Variants in USP28 observed in about 807,000 individuals in gnomAD.
USP28 encodes ubiquitin carboxyl-terminal hydrolase 28.
USP28 carries 113 observed loss-of-function variants against 145.0 expected under a neutral mutation model. The observed-to-expected ratio is 0.78, with a 90% CI of 0.67 to 0.91. The LOEUF (loss-of-function observed/expected upper bound fraction) is 0.91, where lower values mean the gene tolerates loss of function less well. Among genes scored for constraint, USP28 ranks in the 40% least tolerant of loss-of-function variants. USP28 has a pLI of 0.00. For synonymous variants in USP28, 447 were observed against 450.9 expected (o/e 0.99, Z 0.11); for missense variants, 1,201 against 1,289.6 (o/e 0.93, Z 1.05).
chr11:113,815,857 AG>A (rs1941657351), intron 13 of USP28, among the ~76,000 whole-genome samples: 4 of 152,214 alleles, frequency 2.6e-5, no homozygotes, highest in Non-Finnish European at 5.9e-5. Context: ...AATACACAGA[AG>A]GAAGAAAAAG....
chr11:113,833,406 G>A lies in USP28; in HGVS notation c.759+14C>T, dbSNP rs1944232001. On this transcript the variant is annotated intron_variant, in intron 7 of 24. Transcript: ENST00000003302. ...GGCATGACTTCAAACTCAAGAACAA[G>A]GCTTCTTTTGTACCTGCTGTTCCTC... is the stretch of plus-strand genomic sequence containing the variant. 1 of 1,607,232 alleles carries A rather than the reference G, an allele frequency of 6.2e-7. No individual in the cohort carries two copies. The highest frequency in any genetic ancestry group is 8.5e-7 in the Non-Finnish European group (1 of 1,178,516).
intron 9 of USP28, among the ~76,000 whole-genome samples, chr11:113,829,675 A>T (rs1369410344): frequency 6.6e-6 from 1 of 151,992 alleles, no homozygotes; most frequent in East Asian, 1.9e-4. Context: ...AAAAATAAAA[A>T]TTATCCGGGT....
Position 113,823,715 on chromosome 11 carries a change from C to T in USP28, c.1188-15G>A. On this transcript the variant is annotated splice_polypyrimidine_tract_variant and intron_variant, in intron 11 of 24. Transcript: ENST00000003302. ...TGTACATGTACCTAAGTAAATAATC[C>T]CACAAACACAATTTATATTATAAAA... is the stretch of plus-strand genomic sequence containing the variant. 1 of 1,557,616 alleles carries T rather than the reference C, an allele frequency of 6.4e-7. No homozygotes were observed. The highest frequency in any genetic ancestry group is 8.7e-7 in the Non-Finnish European group (1 of 1,144,018).
chr11:113,871,922 C>T (rs969137521), intron 1 of USP28, among the ~76,000 whole-genome samples: 1 of 152,132 alleles, frequency 6.6e-6, no homozygotes, highest in Non-Finnish European at 1.5e-5. Context: ...CTCTTGGGGT[C>T]AGAACTGCCT....
exon 1 of USP28, chr11:113,875,546 G>T: frequency 8.8e-7 from 1 of 1,130,328 alleles, no homozygotes; most frequent in Non-Finnish European, 1.1e-6. Flanking sequence ...CGCCGCAGCC[G>T]CCGCCGGCCC....
At chr11:113,844,886 C>T (rs1371290752) in intron 3 of USP28, among the ~76,000 whole-genome samples, 1 of 152,088 alleles carries the variant, frequency 6.6e-6, no homozygotes, top group Non-Finnish European at 1.5e-5. Context: ...GGGCAGATGG[C>T]TTGAGCTAAG....
At chr11:113,813,333 G>A (rs1431518141) in intron 15 of USP28, among the ~76,000 whole-genome samples, 2 of 152,140 alleles carry the variant, frequency 1.3e-5, no homozygotes, top group African/African-American at 2.4e-5. Context: ...AGAAGCCACT[G>A]AAAGTCCATG....
chr11:113,874,449 A>AAAATT, intron 1 of USP28: 5 of 856,382 alleles, frequency 5.8e-6, no homozygotes, highest in African/African-American at 1.8e-5. Flanking sequence ...AAAAAAAAAA[A>AAAATT]GTGTCTCCAT....
At chr11:113,841,637 C>A in intron 4 of USP28, 26 bp downstream of exon 4, 1 of 1,505,118 alleles carries the variant, frequency 6.6e-7, no homozygotes, top group Non-Finnish European at 9.2e-7. Flanking sequence ...ATGTGGGGGG[C>A]AAGAATTATA....
chr11:113,830,020 T>C (rs1943813322), intron 9 of USP28, among the ~76,000 whole-genome samples: 2 of 152,100 alleles, frequency 1.3e-5, no homozygotes, highest in African/African-American at 4.8e-5. Context: ...ATGTTAAATA[T>C]GTATCAGAGG....
chr11:113,830,825 T>G, intron 9 of USP28, 42 bp downstream of exon 9: 1 of 1,586,098 alleles, frequency 6.3e-7, no homozygotes, highest in South Asian at 1.1e-5. Context: ...AATAAAGATA[T>G]GATCAAAGGT....
intron 18 of USP28, among the ~76,000 whole-genome samples, chr11:113,807,075 C>CA (rs1940109451): frequency 6.9e-6 from 1 of 144,474 alleles, no homozygotes. Flanking sequence ...TTTTCAAGGA[C>CA]TTTTTTTTTT....
At position 113,854,347 on chromosome 11, in the gene USP28, A is replaced by G. The variant is rs771449861; in HGVS notation, c.58-12T>C. ...AGCATTTGGCAGCTCTATATTTGCA[A>G]AACAAAAAAACCACAAACATGTCAG... On this transcript the variant is annotated splice_polypyrimidine_tract_variant and intron_variant, in intron 1 of 24. Coordinates refer to ENST00000003302, the Ensembl canonical transcript of USP28. The G allele has an allele frequency of 1.9e-6, 3 of 1,611,736 alleles. No individual in the cohort carries two copies. The East Asian group carries it at 6.7e-5, about 36-fold the overall frequency.
rs767226424 is a variant in USP28 at position 113,808,369 on chromosome 11, G to T, written c.2233C>A (p.Gln745Lys). ...GTGTTTGCAATAGCCTGGGCAGTTT[G>T]CTCCTTTACAATCACAGCATGCTCA... Residue 745 changes from glutamine (Q) to lysine (K), a missense_variant, in exon 18 of 25, where the codon CAA (glutamine) becomes AAA (lysine). Transcript: ENST00000003302. The T allele has an allele frequency of 1.9e-6, 3 of 1,614,044 alleles. No homozygotes were observed. In the East Asian group the frequency reaches 6.7e-5, roughly 36 times the overall value.
At chr11:113,815,338 G>C (rs1352576690) in exon 14 of USP28, 2 of 1,614,186 alleles carry the variant, frequency 1.2e-6, no homozygotes, top group Non-Finnish European at 1.7e-6. Flanking sequence ...TTCAGGAGAA[G>C]AAAAGGTACT....
At chr11:113,866,934 T>C (rs1206562640) in intron 1 of USP28, among the ~76,000 whole-genome samples, 1 of 152,026 alleles carries the variant, frequency 6.6e-6, no homozygotes, top group Non-Finnish European at 1.5e-5. Context: ...AACATATCTA[T>C]ACATACAGTG....
intron 12 of USP28, among the ~76,000 whole-genome samples, chr11:113,819,955 G>C (rs574565459): frequency 6.6e-6 from 1 of 152,300 alleles, no homozygotes; most frequent in East Asian, 1.9e-4. Flanking sequence ...CTGACCTCAA[G>C]TGATCCACCG....
chr11:113,861,348 C>T (rs561883084), intron 1 of USP28, among the ~76,000 whole-genome samples: 1 of 152,276 alleles, frequency 6.6e-6, no homozygotes, highest in Admixed American at 6.5e-5. Context: ...GTGGACACAG[C>T]TAAATTCCCT....
At chr11:113,812,226 G>T in intron 16 of USP28, 50 bp downstream of exon 16, 1 of 1,433,352 alleles carries the variant, frequency 7.0e-7, no homozygotes, top group South Asian at 1.2e-5. Flanking sequence ...TCTTCTCCCT[G>T]AGCAGTACAG....
Sources: gnomAD v4.1 joint callset for allele counts (sites outside exome capture counted in the v4.1 genomes callset) on GRCh38, gnomAD v4.1.1 for gene constraint, MANE v1.5 for transcripts, NCBI Gene and HGNC (gene_info 2026-07-23, HGNC 2026-07-21) for gene names.